IPO7: variants seen among roughly 807,000 people sequenced by gnomAD.
IPO7 encodes the protein importin 7, also known as importin-7.
Under a neutral mutation model 136.4 loss-of-function variants are expected in IPO7, and 13 were observed. That is an observed-to-expected ratio of 0.10 (90% CI 0.06 to 0.15). The LOEUF (loss-of-function observed/expected upper bound fraction) is 0.15. Among genes scored for constraint, IPO7 ranks in the 10% least tolerant of loss-of-function variants. The pLI, the probability that IPO7 is intolerant of heterozygous loss-of-function variation, is 1.00. For synonymous variants in IPO7, 403 were observed against 404.4 expected (o/e 1.00, Z 0.04); for missense variants, 857 against 1,240.6 (o/e 0.69, Z 4.65).
chr11:9,411,288 C>T (rs539826854), intron 4 of IPO7, among the ~76,000 whole-genome samples: 150 of 152,236 alleles, frequency 9.9e-4, no homozygotes, highest in Non-Finnish European at 1.6e-3. Flanking sequence ...AAGGTGTTCA[C>T]AAGGGATCTG....
chr11:9,437,592 CT>C (rs1391505752), intron 20 of IPO7, among the ~76,000 whole-genome samples, 161 bp from the exon 21 acceptor site: 21 of 152,328 alleles, frequency 1.4e-4, no homozygotes, highest in African/African-American at 5.1e-4. Context: ...GACTACTAGA[CT>C]TTCTCTAAAA....
intron 24 of IPO7, among the ~76,000 whole-genome samples, chr11:9,443,678 G>A (rs907309715): frequency 6.6e-6 from 1 of 151,698 alleles, no homozygotes; most frequent in African/African-American, 2.4e-5. Context: ...CAAGACAGGA[G>A]GGTTGCTTGA....
chr11:9,396,198 C>T (rs1357291341), intron 1 of IPO7, among the ~76,000 whole-genome samples: 2 of 151,840 alleles, frequency 1.3e-5, no homozygotes, highest in African/African-American at 4.8e-5. Flanking sequence ...GAGTTGGAGA[C>T]CAGCCTGGCC....
intron 10 of IPO7, 136 bp downstream of exon 10, chr11:9,424,012 T>G (rs1016122141): frequency 7.7e-6 from 4 of 517,312 alleles, no homozygotes; most frequent in African/African-American, 5.9e-5. Context: ...TAGTCCTTTT[T>G]GGGGCTATTT....
chr11:9,440,344 CTCTT>C (rs1855444921), intron 22 of IPO7, 107 bp from the exon 23 acceptor site: 2 of 846,698 alleles, frequency 2.4e-6, no homozygotes, highest in Non-Finnish European at 1.9e-6. Context: ...CTGGAGCTCT[CTCTT>C]GTCACTTGTG....
chr11:9,419,559 A>AAAATATATATAT (rs1256216265), intron 6 of IPO7, among the ~76,000 whole-genome samples: 1 of 116,866 alleles, frequency 8.6e-6, no homozygotes. Flanking sequence ...AAAAAAAAAA[A>AAAATATATATAT]ATATATATAT....
intron 12 of IPO7, among the ~76,000 whole-genome samples, chr11:9,426,041 T>TC (rs1318700704): frequency 2.6e-5 from 4 of 151,752 alleles, no homozygotes; most frequent in Admixed American, 1.3e-4. Flanking sequence ...CGACAGAGAC[T>TC]CCGTCTCAAA....
chr11:9,390,295 GT>G (rs1235921901), intron 1 of IPO7, among the ~76,000 whole-genome samples: 262 of 142,426 alleles, frequency 1.8e-3, no homozygotes, highest in Non-Finnish European at 1.9e-3. Flanking sequence ...GTGTGTGTGT[GT>G]TTTTTTTTTT....
At position 9,420,465 on chromosome 11, in the gene IPO7, A is replaced by G; in HGVS notation, c.781A>G (p.Lys261Glu). 1 of 1,612,518 alleles carries G rather than the reference A, an allele frequency of 6.2e-7. No individual in the cohort carries two copies. Among genetic ancestry groups the G allele is most frequent in the Non-Finnish European group, 8.5e-7 (1 of 1,179,480 alleles). ...ACCTGAGTTACCATGGTGGAAATGC[A>G]AGAAGTGGGCCTTACATATTTTAGC... Reference protein sequence around the residue: ...DRPELPWWKCKKWALHILARL... With the variant: ...DRPELPWWKCEKWALHILARL... Residue 261 changes from lysine (K) to glutamate (E), a missense_variant, in exon 7 of 25, where the codon AAG becomes GAG. By Grantham distance (56) the Lys-to-Glu change is moderately conservative (BLOSUM62 1). This residue lies in a region of IPO7 where 287 missense variants were observed against 307.5 expected (regional missense o/e 0.93). Transcript: ENST00000379719.
chr11:9,416,164 T>G (rs1855039845), intron 5 of IPO7, among the ~76,000 whole-genome samples: 1 of 152,178 alleles, frequency 6.6e-6, no homozygotes, highest in South Asian at 2.1e-4. Flanking sequence ...GAGCGAGACC[T>G]GGTCTCTTAA....
chr11:9,396,352 C>T (rs1221519672), intron 1 of IPO7, among the ~76,000 whole-genome samples: 12 of 152,106 alleles, frequency 7.9e-5, no homozygotes, highest in East Asian at 5.8e-4. Context: ...GCCGAGATTG[C>T]GCCACTGCAC....
At position 9,384,662 on chromosome 11, in the gene IPO7, C is replaced by T. The variant is rs1036323967; in HGVS notation, c.-102C>T. On this transcript the variant is annotated 5_prime_UTR_variant, in exon 1 of 25. Transcript: ENST00000379719. ...TTGGCGCTTCTCTTTCCTTTCGCGCCGGTTGCCGCTGCGGAGCGCGGCGGG... is the reference window on the plus strand; with the variant it reads ...TTGGCGCTTCTCTTTCCTTTCGCGCTGGTTGCCGCTGCGGAGCGCGGCGGG... The T allele has an allele frequency of 1.1e-5, 11 of 965,516 alleles. No individual in the cohort carries two copies. Among genetic ancestry groups the T allele is most frequent in the South Asian group, 7.9e-5 (5 of 63,282 alleles). 59.8% of individuals were successfully genotyped at this position (965,516 alleles called of 1,614,324 possible).
At chr11:9,429,558 G>A (rs1855263441) in intron 14 of IPO7, 116 bp from the exon 15 acceptor site, 1 of 650,526 alleles carries the variant, frequency 1.5e-6, no homozygotes, top group East Asian at 3.3e-5. Context: ...CTAGAAACTT[G>A]GCATACTTCC....
chr11:9,392,101 A>C (rs921380347), intron 1 of IPO7: 1 of 319,306 alleles, frequency 3.1e-6, no homozygotes, highest in African/African-American at 2.3e-5. Context: ...TACGACTATA[A>C]TGACTTAACC....
intron 1 of IPO7, among the ~76,000 whole-genome samples, chr11:9,395,072 GTTATAT>G (rs779482744): frequency 4.6e-5 from 7 of 152,020 alleles, no homozygotes; most frequent in Non-Finnish European, 1.5e-5. Flanking sequence ...GCATCCAGAA[GTTATAT>G]TTATATTTTG....
intron 6 of IPO7, among the ~76,000 whole-genome samples, chr11:9,418,859 T>A (rs1855081609): frequency 6.6e-6 from 1 of 152,228 alleles, no homozygotes; most frequent in Admixed American, 6.5e-5. Context: ...TTAATCTGTT[T>A]TAGAACTTAG....
rs955444536 is a variant in IPO7, at chr11:9,447,415, A to G, written c.*2221A>G. The G allele has an allele frequency of 1.3e-5, 2 of 152,206 alleles. No individual in the cohort carries two copies. The highest frequency in any genetic ancestry group is 2.9e-5 in the Non-Finnish European group (2 of 68,018). 9.4% of individuals were successfully genotyped at this position (152,206 alleles called of 1,614,324 possible). A position where few individuals can be genotyped will look rare whatever the true frequency, so the allele number is the denominator to read the frequency against. On this transcript the variant is annotated 3_prime_UTR_variant, in exon 25 of 25. Transcript: ENST00000379719. ...ATTAAACTATTTAAATAGTGTTCAA[A>G]TGATAGTTTCTAATGCATCAAATAT...
intron 2 of IPO7, 60 bp from the exon 3 acceptor site, chr11:9,408,426 T>C: frequency 1.8e-6 from 2 of 1,134,386 alleles, no homozygotes; most frequent in South Asian, 2.2e-5. Flanking sequence ...TGGACACTTG[T>C]GGGATTTTCA....
chr11:9,405,768 C>A (rs961448069), intron 2 of IPO7, among the ~76,000 whole-genome samples: 4 of 152,140 alleles, frequency 2.6e-5, no homozygotes, highest in African/African-American at 9.7e-5. Flanking sequence ...GACTGAACTC[C>A]CTGGTCAGCA....
Sources: allele counts gnomAD v4.1 joint callset (sites outside exome capture counted in the v4.1 genomes callset), GRCh38; gene constraint gnomAD v4.1.1; regional missense constraint gnomAD v4.1.1; transcripts MANE v1.5; gene names NCBI Gene and HGNC (gene_info 2026-07-23, HGNC 2026-07-21).